GZF1: variants seen among roughly 807,000 people sequenced by gnomAD.
GZF1 encodes GDNF-inducible zinc finger protein 1.
GZF1 carries 28 observed loss-of-function variants against 49.4 expected under a neutral mutation model. That is an observed-to-expected ratio of 0.57 (90% CI 0.42 to 0.78). GZF1 has a LOEUF of 0.78. Among genes scored for constraint, GZF1 ranks in the 30% least tolerant of loss-of-function variants. GZF1 has a pLI of 0.00. For missense variants in GZF1, 798 were observed against 916.2 expected, an observed-to-expected ratio of 0.87 and a Z score of 1.67; for synonymous variants, 364 against 356.0, an observed-to-expected ratio of 1.02 and a Z score of -0.25.
chr20:23,362,055 C>T (rs1048634413), upstream of GZF1: 1 of 152,196 alleles, frequency 6.6e-6, no homozygotes, highest in Non-Finnish European at 1.5e-5. Flanking sequence ...CTCCGCCGCC[C>T]GACGTGTGGC....
chr20:23,367,976 A>G (rs1981597187), intron 3 of GZF1, among the ~76,000 whole-genome samples: 1 of 152,198 alleles, frequency 6.6e-6, no homozygotes, highest in South Asian at 2.1e-4. Context: ...ATTAGACACC[A>G]CATCTGTGTG....
At chr20:23,366,644 G>A (rs1398234318) in intron 2 of GZF1, among the ~76,000 whole-genome samples, 1 of 152,174 alleles carries the variant, frequency 6.6e-6, no homozygotes, top group Admixed American at 6.5e-5. Flanking sequence ...GGTGTTTGTG[G>A]CTGATTATTC....
At chr20:23,364,295 A>G in intron 1 of GZF1, 68 bp from the exon 2 acceptor site, 2 of 825,932 alleles carry the variant, frequency 2.4e-6, no homozygotes, top group Non-Finnish European at 3.9e-6. Flanking sequence ...TACTGAAGGA[A>G]TCCTCATAAA....
Position 23,372,006 on chromosome 20 carries a change from T to TTTAG in GZF1, c.*1569_*1572dup, listed in dbSNP as rs1193543050. ...GGTCACAGTACTAATTTACTTCAAA[T>TTTAG]TTAGTTATGACAGTGTCACTGTATC... On this transcript the variant is annotated 3_prime_UTR_variant, in exon 6 of 6. Transcript: ENST00000338121. The TTTAG allele has an allele frequency of 3.9e-5, 6 of 152,752 alleles. No homozygotes were observed. Among genetic ancestry groups the TTTAG allele is most frequent in the African/African-American group, 1.4e-4 (6 of 41,574 alleles). The allele number at this position is 152,752 out of a possible 1,614,324, so 9.5% of individuals were successfully genotyped here.
rs370373693 is a variant in GZF1, at chr20:23,370,094, C to G, written c.1789C>G (p.His597Asp). The G allele has an allele frequency of 6.2e-7, 1 of 1,611,588 alleles. No homozygotes were observed. Among genetic ancestry groups the G allele is most frequent in the Non-Finnish European group, 8.5e-7 (1 of 1,177,680 alleles). The stretch of plus-strand genomic sequence containing the variant: ...TTGTTTTGTGTTTAACTTATAGATA[C>G]ACGATAAGAATACTCCATGGAAGTC... ...KSTLRRHTSI[H>D]DKNTPWKSFL... The change falls in exon 6 of 6, where the codon CAC (histidine) becomes GAC (aspartate). Residue 597 changes from histidine to aspartate, a missense_variant. By Grantham distance (81) the His-to-Asp change is moderately conservative (BLOSUM62 -1). Transcript: ENST00000338121.
intron 4 of GZF1, 46 bp downstream of exon 4, chr20:23,368,975 AAAAAATTCT>A: frequency 1.3e-6 from 2 of 1,504,552 alleles, no homozygotes; most frequent in South Asian, 2.6e-5. Flanking sequence ...TTGGCCAAAA[AAAAAATTCT>A]AAAGCTTGTA....
At chr20:23,367,188 G>A in intron 3 of GZF1, 91 bp downstream of exon 3, 1 of 895,366 alleles carries the variant, frequency 1.1e-6, no homozygotes, top group Non-Finnish European at 1.8e-6. Flanking sequence ...CTACCAAGGT[G>A]GTGCAGGTTA....
intron 3 of GZF1, among the ~76,000 whole-genome samples, chr20:23,367,599 C>T (rs750247792): frequency 1.3e-5 from 2 of 152,170 alleles, no homozygotes; most frequent in Non-Finnish European, 2.9e-5. Context: ...GGATGTTCAA[C>T]TTTAAAATGC....
chr20:23,368,886 T>C lies in GZF1; in HGVS notation c.1584T>C (p.Phe528=), dbSNP rs534166158. The change falls in exon 4 of 6, where the codon TTT becomes TTC. Residue 528 remains phenylalanine, a synonymous_variant. Transcript: ENST00000338121. ...PFKCEVCFRT[F]AQRNSLYQHI... is the part of the protein sequence containing the mutation. Reference sequence around the variant, plus strand: ...AATGTGAAGTATGTTTCAGGACTTTTGCCCAGCGGAATTCACTGTACCAGC... The same window carrying C: ...AATGTGAAGTATGTTTCAGGACTTTCGCCCAGCGGAATTCACTGTACCAGC... The C allele has an allele frequency of 1.9e-6, 3 of 1,613,978 alleles. No homozygotes were observed. Among genetic ancestry groups the C allele is most frequent in the Non-Finnish European group, 1.7e-6 (2 of 1,179,904 alleles).
rs768456597 is a variant in GZF1, at chr20:23,365,356, G to C, written c.973G>C (p.Ala325Pro). 1.2e-6 allele frequency: 2 copies of C among 1,612,578 alleles called. No homozygotes were observed. The highest frequency in any genetic ancestry group is 3.3e-4 in the Middle Eastern group (2 of 6,048). ...CTTTAAGTGCAGCATTTGCGAGAAG[G>C]CGTTTCTGTATGAGAAGAGCTTCCT... Reference protein sequence around the residue: ...SNFKCSICEKAFLYEKSFLKH... With the variant: ...SNFKCSICEKPFLYEKSFLKH... Residue 325 changes from alanine to proline, a missense_variant, in exon 2 of 6, where the codon GCG (alanine) becomes CCG (proline). By Grantham distance (27) the Ala-to-Pro change is conservative. This residue lies in a region of GZF1 where 446 missense variants were observed against 540.1 expected (regional missense o/e 0.83). Coordinates refer to ENST00000338121, the MANE Select transcript of GZF1 (RefSeq NM_022482.5).
rs1205143882 is a variant in GZF1 at position 23,370,638 on chromosome 20, C to T, written c.*197C>T. The T allele has an allele frequency of 1.2e-5, 7 of 580,156 alleles. No homozygotes were observed. Among genetic ancestry groups the T allele is most frequent in the African/African-American group, 7.5e-5 (4 of 53,492 alleles). 35.9% of individuals were successfully genotyped at this position (580,156 alleles called of 1,614,324 possible). The stretch of plus-strand genomic sequence containing the variant: ...GCTTTCCCTCAAAAATCCTGATCTG[C>T]ATGATCTCAGCTACTTTATTGACAA... On this transcript the variant is annotated 3_prime_UTR_variant, in exon 6 of 6. Coordinates refer to ENST00000338121, the MANE Select transcript of GZF1 (RefSeq NM_022482.5).
intron 2 of GZF1, among the ~76,000 whole-genome samples, chr20:23,366,416 CTAT>C (rs1981397004): frequency 6.6e-6 from 1 of 152,146 alleles, no homozygotes; most frequent in African/African-American, 2.4e-5. Flanking sequence ...ATTTTTTACT[CTAT>C]ATAATAAGTT....
intron 5 of GZF1, 117 bp downstream of exon 5, chr20:23,369,858 C>T (rs1011618374): frequency 2.6e-6 from 3 of 1,170,264 alleles, no homozygotes; most frequent in African/African-American, 3.1e-5. Context: ...GGTACTTTCT[C>T]CTTGGGTTGT....
In GZF1 at chr20:23,370,089, AGATACAC is replaced by A; in HGVS notation, c.1789_1795del (p.His597ArgfsTer12). ...GACCTTTGTTTTGTGTTTAACTTAT[AGATACAC>A]GATAAGAATACTCCATGGAAGTCTT... On this transcript the variant is annotated splice_acceptor_variant and coding_sequence_variant, in exon 6 of 6. Coordinates refer to ENST00000338121, the MANE Select transcript of GZF1 (RefSeq NM_022482.5). LOFTEE classifies it high-confidence loss of function. The A allele has an allele frequency of 6.2e-7, 1 of 1,609,836 alleles. No homozygotes were observed. The highest frequency in any genetic ancestry group is 1.7e-4 in the Middle Eastern group (1 of 6,056).
In GZF1 at chr20:23,365,490, C is replaced by G. The variant is rs770392112; in HGVS notation, c.1107C>G (p.His369Gln). The G allele has an allele frequency of 1.9e-6, 3 of 1,613,718 alleles. No individual in the cohort carries two copies. The African/African-American group carries it at 4.0e-5, about 22-fold the overall frequency. ...GCAACCTGAAGAGCCACCAGCGCCA[C>G]GTGCACAGCAGCGAGCGCCATTTCC... is the stretch of plus-strand genomic sequence containing the variant. The part of the protein sequence containing the change: ...NRCNLKSHQR[H>Q]VHSSERHFPC... The change falls in exon 2 of 6, where the codon CAC (histidine) becomes CAG (glutamine). Residue 369 changes from histidine (H) to glutamine (Q), a missense_variant. His to Gln is a conservative substitution (Grantham distance 24). Around this residue, in one of 3 missense-constraint regions of GZF1, gnomAD observed 446 missense variants for 540.1 expected, o/e 0.83. Transcript: ENST00000338121.
chr20:23,368,544 T>C (rs921837097), intron 3 of GZF1, among the ~76,000 whole-genome samples: 1 of 152,218 alleles, frequency 6.6e-6, no homozygotes, highest in Non-Finnish European at 1.5e-5. Flanking sequence ...TCAAATGGAA[T>C]TTTTCTTGCA....
chr20:23,370,363 C>T lies in GZF1; in HGVS notation c.2058C>T (p.Thr686=). 6.2e-7 allele frequency: 1 copy of T among 1,614,004 alleles called. No individual in the cohort carries two copies. The highest frequency in any genetic ancestry group is 8.5e-7 in the Non-Finnish European group (1 of 1,179,914). Residue 686 remains threonine (T), a synonymous_variant, in exon 6 of 6, where the codon ACC becomes ACT. Coordinates refer to ENST00000338121, the MANE Select transcript of GZF1 (RefSeq NM_022482.5). Reference sequence around the variant, plus strand: ...CCCAGGACACCCTCCTGGCCACCACCATCAGTGAGCTTAGCGAGCTGACCC... The same window carrying T: ...CCCAGGACACCCTCCTGGCCACCACTATCAGTGAGCTTAGCGAGCTGACCC... ...VVSQDTLLAT[T]ISELSELTPQ...
chr20:23,363,557 C>G (rs1980940852), intron 1 of GZF1, among the ~76,000 whole-genome samples: 1 of 152,194 alleles, frequency 6.6e-6, no homozygotes, highest in Admixed American at 6.5e-5. Context: ...TGGCTCATGT[C>G]CCAACCAGCC....
Position 23,370,323 on chromosome 20 carries a change from A to G in GZF1, c.2018A>G (p.Asp673Gly). The change falls in exon 6 of 6, where the codon GAT becomes GGT. Residue 673 changes from aspartate (D) to glycine (G), a missense_variant. By Grantham distance (94) the Asp-to-Gly change is moderately conservative. Transcript: ENST00000338121. ...NSSADTACKADDSVVSQDTLL... is the reference protein window; with the variant it reads ...NSSADTACKAGDSVVSQDTLL... ...TCTGCTGACACAGCCTGCAAGGCAG[A>G]TGACTCCGTGGTGTCCCAGGACACC... 6.2e-7 allele frequency: 1 copy of G among 1,614,138 alleles called. No homozygotes were observed. Among genetic ancestry groups the G allele is most frequent in the Non-Finnish European group, 8.5e-7 (1 of 1,179,984 alleles).
Sources: gnomAD v4.1 joint callset for allele counts (sites outside exome capture counted in the v4.1 genomes callset) on GRCh38, gnomAD v4.1.1 for gene constraint, gnomAD v4.1.1 regional missense constraint, MANE v1.5 for transcripts, NCBI Gene and HGNC (gene_info 2026-07-23, HGNC 2026-07-21) for gene names.